DGKI: variants seen among roughly 807,000 people sequenced by gnomAD.
DGKI encodes DAG kinase iota.
DGKI carries 55 observed loss-of-function variants against 147.5 expected under a neutral mutation model. The observed-to-expected ratio is 0.37, with a 90% confidence interval of 0.30 to 0.47. The LOEUF (loss-of-function observed/expected upper bound fraction) is 0.47. DGKI is among the 20% of genes least tolerant of loss of function. The pLI, the probability that DGKI is intolerant of heterozygous loss-of-function variation, is 1.00. For synonymous variants in DGKI, 469 were observed against 477.1 expected (o/e 0.98, Z 0.22); for missense variants, 1,007 against 1,323.8 (o/e 0.76, Z 3.71).
At chr7:137,645,368 C>T (rs924718079) in intron 6 of DGKI, 104 bp downstream of exon 6, 17 of 915,844 alleles carry the variant, frequency 1.9e-5, no homozygotes, top group Non-Finnish European at 2.8e-5. Context: ...CAGAAAGGAA[C>T]TGATGCAGTG....
chr7:137,676,865 G>A (rs1467494310), intron 3 of DGKI, among the ~76,000 whole-genome samples: 1 of 152,182 alleles, frequency 6.6e-6, no homozygotes, highest in East Asian at 1.9e-4. Context: ...GTCAAGAGAG[G>A]TAGCCATCCC....
chr7:137,685,994 C>A (rs1201368544), intron 2 of DGKI, among the ~76,000 whole-genome samples: 2 of 152,130 alleles, frequency 1.3e-5, no homozygotes, highest in Non-Finnish European at 2.9e-5. Context: ...GTAATCAATT[C>A]ATCCCCTGAC....
At chr7:137,714,117 G>GT (rs1585400225) in intron 1 of DGKI, among the ~76,000 whole-genome samples, 4 of 152,022 alleles carry the variant, frequency 2.6e-5, no homozygotes, top group South Asian at 4.1e-4. Flanking sequence ...AAAGAAAGTA[G>GT]TTTTTTTAAT....
chr7:137,444,941 G>A (rs1018618048), intron 27 of DGKI, among the ~76,000 whole-genome samples: 2 of 152,110 alleles, frequency 1.3e-5, no homozygotes, highest in African/African-American at 4.8e-5. Flanking sequence ...CAGAGTTGTT[G>A]AAATTTCGAA....
intron 21 of DGKI, among the ~76,000 whole-genome samples, chr7:137,497,506 C>T (rs901478800): frequency 6.6e-6 from 1 of 152,036 alleles, no homozygotes; most frequent in African/African-American, 2.4e-5. Context: ...TTCACTGTAG[C>T]ACTAGTCACA....
At chr7:137,571,348 G>A in intron 18 of DGKI, 62 bp from the exon 19 acceptor site, 13 of 1,175,426 alleles carry the variant, frequency 1.1e-5, no homozygotes, top group South Asian at 1.4e-5. Context: ...CTATCATGAG[G>A]TGTTAGTTTG....
chr7:137,654,655 C>A, intron 5 of DGKI, 77 bp downstream of exon 5: 1 of 1,063,604 alleles, frequency 9.4e-7, no homozygotes. Context: ...TTTTTATTCC[C>A]TGGTGAATAT....
chr7:137,812,662 A>G (rs1797625224), intron 1 of DGKI, among the ~76,000 whole-genome samples: 1 of 152,176 alleles, frequency 6.6e-6, no homozygotes, highest in Non-Finnish European at 1.5e-5. Context: ...CAATAACCCT[A>G]TGTGACAGAC....
At chr7:137,571,063 TA>T in intron 19 of DGKI, 111 bp downstream of exon 19, 1 of 734,336 alleles carries the variant, frequency 1.4e-6, no homozygotes, top group Non-Finnish European at 2.1e-6. Flanking sequence ...CTATAATTCA[TA>T]AAATGTGTAA....
chr7:137,600,950 A>G lies in DGKI; in HGVS notation c.1168-1045T>C, dbSNP rs1819967616. ...CAGACATAAGGTCACTTTAGAGATC[A>G]TTTTTAAATTGGATTGAGCAAACAA... On this transcript the variant is annotated intron_variant, in intron 10 of 32. Transcript: ENST00000614521. Among the ~76,000 whole-genome samples, 3 of 152,168 alleles carry G rather than the reference A, an allele frequency of 2.0e-5. No individual in the cohort carries two copies. In the South Asian group the frequency reaches 6.2e-4, roughly 32 times the overall value.
intron 1 of DGKI, among the ~76,000 whole-genome samples, chr7:137,699,589 A>G (rs1823908912): frequency 6.6e-6 from 1 of 152,228 alleles, no homozygotes; most frequent in Non-Finnish European, 1.5e-5. Context: ...GATAATCCAG[A>G]ATTGAACAAA....
intron 23 of DGKI, among the ~76,000 whole-genome samples, chr7:137,476,563 T>C (rs1003485383): frequency 2.6e-5 from 4 of 152,246 alleles, no homozygotes; most frequent in Non-Finnish European, 2.9e-5. Flanking sequence ...TAGGGTTACC[T>C]GGACACTGCC....
chr7:137,753,906 G>A (rs536184099), intron 1 of DGKI, among the ~76,000 whole-genome samples: 75 of 152,192 alleles, frequency 4.9e-4, no homozygotes, highest in African/African-American at 1.7e-3. Flanking sequence ...GGACACCAGG[G>A]TAGCCAGTCC....
At chr7:137,409,832 C>CAGGGGTGA (rs1178720564) in intron 29 of DGKI, among the ~76,000 whole-genome samples, 2 of 152,156 alleles carry the variant, frequency 1.3e-5, no homozygotes, top group Non-Finnish European at 2.9e-5. Context: ...AGCCTTCACA[C>CAGGGGTGA]AGGGGTGGCT....
chr7:137,623,621 T>C (rs1282039482), intron 6 of DGKI, 67 bp from the exon 7 acceptor site: 1 of 1,381,052 alleles, frequency 7.2e-7, no homozygotes, highest in Non-Finnish European at 1.0e-6. Flanking sequence ...TTTGCCCTCC[T>C]GAAGTGCAAT....
chr7:137,730,129 T>G (rs756842668), intron 1 of DGKI, among the ~76,000 whole-genome samples: 3 of 152,140 alleles, frequency 2.0e-5, no homozygotes, highest in African/African-American at 7.2e-5. Flanking sequence ...ATGGCATTCA[T>G]GCCTATAGCT....
rs1814796040 is a variant in DGKI, at chr7:137,469,494, C to G, written c.2443+56G>C. On this transcript the variant is annotated intron_variant, in intron 24 of 32. Transcript: ENST00000614521. ...CTAGAGCCCACCCTATCAATTGATG[C>G]CTTGCTCTTCAACTTCCCCAACTCC... 9 of 1,567,108 alleles carry G rather than the reference C, an allele frequency of 5.7e-6. No individual in the cohort carries two copies. The South Asian group carries it at 1.0e-4, about 17-fold the overall frequency.
At chr7:137,751,031 G>A (rs534814458) in intron 1 of DGKI, among the ~76,000 whole-genome samples, 2 of 152,292 alleles carry the variant, frequency 1.3e-5, no homozygotes, top group African/African-American at 4.8e-5. Context: ...GCCACTTCTA[G>A]TTCTAGGCTA....
intron 1 of DGKI, among the ~76,000 whole-genome samples, chr7:137,769,128 T>A (rs1325937478): frequency 6.6e-6 from 1 of 152,200 alleles, no homozygotes; most frequent in African/African-American, 2.4e-5. Flanking sequence ...GGAGCCCTAC[T>A]ACATGATAAT....
Sources: gnomAD v4.1 joint callset for allele counts (sites outside exome capture counted in the v4.1 genomes callset) on GRCh38, gnomAD v4.1.1 for gene constraint, MANE v1.5 for transcripts, NCBI Gene and HGNC (gene_info 2026-07-23, HGNC 2026-07-21) for gene names.